NME7: variants seen among roughly 807,000 people sequenced by gnomAD.
NME7 encodes the protein NME/NM23 family member 7.
NME7 carries 41 observed loss-of-function variants against 49.1 expected under a neutral mutation model. The observed-to-expected ratio is 0.83, with a 90% CI of 0.65 to 1.08. The LOEUF (loss-of-function observed/expected upper bound fraction) is 1.08, where lower values mean the gene tolerates loss of function less well. NME7 is among the 50% of genes least tolerant of loss of function. The pLI is 0.00. For synonymous variants in NME7, 139 were observed against 150.6 expected, an observed-to-expected ratio of 0.92 and a Z score of 0.56; for missense variants, 423 against 463.4, an observed-to-expected ratio of 0.91 and a Z score of 0.80.
At chr1:169,165,081 C>T (rs1659368926) in intron 11 of NME7, among the ~76,000 whole-genome samples, 1 of 141,740 alleles carries the variant, frequency 7.1e-6, no homozygotes, top group South Asian at 2.2e-4. Context: ...AGTGACAGAA[C>T]ATTCTAGAAT....
rs776206172 is a variant in NME7 at position 169,257,249 on chromosome 1, C to T, written c.755-19562G>A. 1.0e-4 allele frequency among the ~76,000 whole-genome samples: 14 copies of T among 134,552 alleles called. 3 individuals are homozygous for T. The highest frequency in any genetic ancestry group is 2.2e-4 in the Admixed American group (3 of 13,860). 88.3% of individuals were successfully genotyped at this position (134,552 alleles called of 152,430 possible). A position where few individuals can be genotyped will look rare whatever the true frequency, so the allele number is the denominator to read the frequency against. The stretch of plus-strand genomic sequence containing the variant: ...GGCATAGGACCCTCCAAGCCAGGTG[C>T]GGGATATAATCTCGTGGTGCGCCAT... On this transcript the variant is annotated intron_variant, in intron 7 of 11. Transcript: ENST00000367811.
rs529589386 is a variant in NME7 at position 169,346,463 on chromosome 1, A to G, written c.3+21245T>C. On this transcript the variant is annotated intron_variant, in intron 1 of 11. Coordinates refer to ENST00000367811, the MANE Select transcript of NME7 (RefSeq NM_013330.5). ...GGAATACTTTTTCCCCAATATTTAC[A>G]TGGCTTATCTTTTCTCACCCTCAAG... Among the ~76,000 whole-genome samples the G allele has an allele frequency of 2.6e-5, 4 of 152,192 alleles. No homozygotes were observed. The East Asian group carries it at 5.8e-4, about 22-fold the overall frequency.
intron 11 of NME7, 125 bp from the exon 12 acceptor site, chr1:169,132,942 T>TAATCATC: frequency 1.6e-6 from 1 of 622,268 alleles, no homozygotes; most frequent in South Asian, 2.2e-5. Context: ...CACTAAAAGT[T>TAATCATC]AATCAATCAA....
At chr1:169,150,761 AG>A (rs1658890480) in intron 11 of NME7, among the ~76,000 whole-genome samples, 2 of 143,202 alleles carry the variant, frequency 1.4e-5, no homozygotes, top group South Asian at 2.2e-4. Flanking sequence ...AGGCTGGAAA[AG>A]GAAAAAAAAA....
At chr1:169,145,307 T>C (rs1459088152) in intron 11 of NME7, among the ~76,000 whole-genome samples, 2 of 152,220 alleles carry the variant, frequency 1.3e-5, no homozygotes. Context: ...TTAGAAGAAT[T>C]ACCATTCATT....
intron 6 of NME7, among the ~76,000 whole-genome samples, chr1:169,296,317 T>A (rs1031551349): frequency 6.6e-6 from 1 of 152,174 alleles, no homozygotes; most frequent in African/African-American, 2.4e-5. Context: ...CCATTCTTAG[T>A]CCTCTTCTTA....
intron 10 of NME7, among the ~76,000 whole-genome samples, chr1:169,230,446 C>T (rs1443963249): frequency 6.6e-6 from 1 of 151,812 alleles, no homozygotes; most frequent in South Asian, 2.1e-4. Flanking sequence ...AATGTATTTA[C>T]CTGGACAATT....
rs1249084675 is a variant in NME7 at position 169,265,781 on chromosome 1, G to A, written c.754+21522C>T. ...AAACACAATCAGAAATGACAAAGGA[G>A]ACATTACCACTGACCCCACAGAAAT... On this transcript the variant is annotated intron_variant, in intron 7 of 11. Transcript: ENST00000367811. 5.4e-5 allele frequency among the ~76,000 whole-genome samples: 7 copies of A among 130,756 alleles called. 2 individuals are homozygous for A. The highest frequency in any genetic ancestry group is 1.8e-4 in the African/African-American group (7 of 38,882). The allele number at this position is 130,756 out of a possible 152,430, so 85.8% of individuals were successfully genotyped here.
intron 1 of NME7, among the ~76,000 whole-genome samples, chr1:169,338,358 A>G (rs768856891): frequency 2.6e-5 from 4 of 152,226 alleles, no homozygotes; most frequent in Non-Finnish European, 4.4e-5. Flanking sequence ...AACAGAACAC[A>G]AACACCTGTA....
At chr1:169,202,476 T>C (rs1660577497) in intron 10 of NME7, among the ~76,000 whole-genome samples, 1 of 152,172 alleles carries the variant, frequency 6.6e-6, no homozygotes, top group Non-Finnish European at 1.5e-5. Context: ...AAATCTCTTA[T>C]TTATAAATTA....
chr1:169,180,693 C>T (rs563996961), intron 10 of NME7, among the ~76,000 whole-genome samples: 1 of 151,976 alleles, frequency 6.6e-6, no homozygotes, highest in East Asian at 1.9e-4. Flanking sequence ...TGTCTAGTGG[C>T]CACATTAATA....
chr1:169,356,825 C>T (rs1334372948), intron 1 of NME7, among the ~76,000 whole-genome samples: 1 of 152,108 alleles, frequency 6.6e-6, no homozygotes, highest in Non-Finnish European at 1.5e-5. Context: ...TCAATGTTGA[C>T]ATTAATATGC....
chr1:169,177,314 C>T (rs1659781378), intron 10 of NME7, among the ~76,000 whole-genome samples: 1 of 152,130 alleles, frequency 6.6e-6, no homozygotes, highest in South Asian at 2.1e-4. Context: ...CCATATTCTC[C>T]TGCCTAGAAT....
At chr1:169,210,920 G>C (rs1660795187) in intron 10 of NME7, among the ~76,000 whole-genome samples, 1 of 151,768 alleles carries the variant, frequency 6.6e-6, no homozygotes, top group South Asian at 2.1e-4. Flanking sequence ...AGACTTTTAG[G>C]TATATTCCAG....
intron 10 of NME7, among the ~76,000 whole-genome samples, chr1:169,198,405 C>A (rs1220609159): frequency 3.3e-5 from 5 of 151,962 alleles, no homozygotes; most frequent in African/African-American, 1.2e-4. Context: ...AAAACTTGTA[C>A]ACAGTGTTTA....
chr1:169,158,845 G>A (rs931662527), intron 11 of NME7, among the ~76,000 whole-genome samples: 1 of 152,070 alleles, frequency 6.6e-6, no homozygotes, highest in Non-Finnish European at 1.5e-5. Context: ...GGACACATAA[G>A]AACCACTGCA....
rs554591142 is a variant in NME7 at position 169,336,224 on chromosome 1, A to G, written c.4-11724T>C. 9.2e-4 allele frequency among the ~76,000 whole-genome samples: 140 copies of G among 152,080 alleles called. 1 individual carries two copies. The highest frequency in any genetic ancestry group is 3.3e-3 in the African/African-American group (136 of 41,472). ...GCTGGGCTCAGGAGTGAAGCTGCAG[A>G]TCTTCACGGTGAGTGTTACAGCTCA... On this transcript the variant is annotated intron_variant, in intron 1 of 11. Coordinates refer to ENST00000367811, the MANE Select transcript of NME7 (RefSeq NM_013330.5).
intron 1 of NME7, among the ~76,000 whole-genome samples, chr1:169,342,507 A>G (rs926176317): frequency 9.7e-6 from 1 of 103,416 alleles, no homozygotes; most frequent in Non-Finnish European, 2.2e-5. Flanking sequence ...ATACAAGTAC[A>G]TATATATATA....
intron 3 of NME7, 22 bp downstream of exon 3, chr1:169,323,095 G>T (rs371166316): frequency 1.4e-5 from 21 of 1,506,394 alleles, no homozygotes; most frequent in Non-Finnish European, 1.8e-5. Context: ...CATGTAAAAA[G>T]ATTATATAAT....
Sources: gnomAD v4.1 joint callset for allele counts (sites outside exome capture counted in the v4.1 genomes callset) on GRCh38, gnomAD v4.1.1 for gene constraint, MANE v1.5 for transcripts, NCBI Gene and HGNC (gene_info 2026-07-23, HGNC 2026-07-21) for gene names.